Variants in RANBP2 observed in about 807,000 individuals in gnomAD.
RANBP2 encodes RAN binding protein 2.
Under a neutral mutation model 303.6 loss-of-function variants are expected in RANBP2, and 57 were observed. That is an observed-to-expected ratio of 0.19 (90% CI 0.15 to 0.23). The LOEUF is 0.23. Among genes scored for constraint, RANBP2 ranks in the 10% least tolerant of loss-of-function variants. The pLI is 1.00. For synonymous variants in RANBP2, 1,167 were observed against 1,301.5 expected (o/e 0.90, Z 2.23); for missense variants, 3,138 against 3,780.8 (o/e 0.83, Z 4.46).
chr2:109,691,776 G>T, the RANBP2 span, among the ~76,000 whole-genome samples: 1 of 67,228 alleles, frequency 1.5e-5, no homozygotes, highest in Non-Finnish European at 2.9e-5. Flanking sequence ...GAAAGTTCAT[G>T]ATCAGTTTTT....
chr2:108,747,987 T>C (rs826558), intron 8 of RANBP2, among the ~76,000 whole-genome samples: 30,609 of 150,548 alleles, frequency 0.2, 3,411 homozygotes, highest in African/African-American at 0.3. Flanking sequence ...CCTTGGCAAC[T>C]GCTAATCTGT....
chr2:109,560,312 C>A, the RANBP2 span, among the ~76,000 whole-genome samples: 274 of 152,262 alleles, frequency 1.8e-3, 1 homozygote, highest in South Asian at 0.022. Flanking sequence ...GCAGCATAAA[C>A]CTGGACCTCA....
At chr2:109,697,558 T>G in the RANBP2 span, among the ~76,000 whole-genome samples, 2 of 152,028 alleles carry the variant, frequency 1.3e-5, no homozygotes, top group Non-Finnish European at 2.9e-5. Flanking sequence ...TATATAGAAC[T>G]ACAATAGATT....
At chr2:109,398,270 T>C in the RANBP2 span, among the ~76,000 whole-genome samples, 1 of 152,154 alleles carries the variant, frequency 6.6e-6, no homozygotes, top group Admixed American at 6.6e-5. Flanking sequence ...CCTCACTGTC[T>C]GCAAGGCGGC....
At chr2:109,610,303 T>C in the RANBP2 span, among the ~76,000 whole-genome samples, 1 of 152,140 alleles carries the variant, frequency 6.6e-6, no homozygotes, top group African/African-American at 2.4e-5. Context: ...TTGGCCAGGA[T>C]GGTCTCAATC....
chr2:108,908,142 C>T, the RANBP2 span: 1 of 1,146,916 alleles, frequency 8.7e-7, no homozygotes, highest in Non-Finnish European at 1.2e-6. Flanking sequence ...ACTTGTTTTT[C>T]AGGTGTTTAC....
At chr2:109,496,286 C>T in the RANBP2 span, among the ~76,000 whole-genome samples, 7 of 151,726 alleles carry the variant, frequency 4.6e-5, no homozygotes, top group African/African-American at 7.3e-5. Context: ...AGCTACAGAG[C>T]GCTGATTGGT....
At chr2:108,891,243 T>G in the RANBP2 span, among the ~76,000 whole-genome samples, 9 of 152,250 alleles carry the variant, frequency 5.9e-5, no homozygotes, top group African/African-American at 1.9e-4. Context: ...TAATTTTTCA[T>G]GTTTCATTTG....
At chr2:108,789,425 TC>T (rs1679530862), downstream of RANBP2, among the ~76,000 whole-genome samples, 1 of 152,250 alleles carries the variant, frequency 6.6e-6, no homozygotes, top group South Asian at 2.1e-4. Context: ...AAATCCCGTT[TC>T]TACTAAAAAA....
chr2:109,465,734 G>A, the RANBP2 span, among the ~76,000 whole-genome samples: 690 of 152,226 alleles, frequency 4.5e-3, 9 homozygotes, highest in Non-Finnish European at 3.5e-3. Flanking sequence ...CAATCATGGC[G>A]GAAGACAAAG....
chr2:109,296,929 T>C, the RANBP2 span, among the ~76,000 whole-genome samples: 1 of 152,104 alleles, frequency 6.6e-6, no homozygotes, highest in Non-Finnish European at 1.5e-5. Context: ...GGCTGCAGTG[T>C]GGATTAACTA....
chr2:109,715,937 G>T, the RANBP2 span, among the ~76,000 whole-genome samples: 1 of 152,174 alleles, frequency 6.6e-6, no homozygotes, highest in East Asian at 1.9e-4. Context: ...ACATTGTCCT[G>T]GAGTTTCTAA....
chr2:109,613,902 G>C, the RANBP2 span: 1 of 1,224,374 alleles, frequency 8.2e-7, no homozygotes, highest in Non-Finnish European at 1.0e-6. Context: ...ACGGCGGCGG[G>C]AAGGCCGGAG....
At chr2:109,104,201 G>A in the RANBP2 span, among the ~76,000 whole-genome samples, 2 of 152,122 alleles carry the variant, frequency 1.3e-5, no homozygotes, top group Admixed American at 6.5e-5. Flanking sequence ...ATTTCCTTCA[G>A]GGCCTGCTAT....
chr2:109,039,161 C>T, the RANBP2 span, among the ~76,000 whole-genome samples: 2 of 152,206 alleles, frequency 1.3e-5, no homozygotes, highest in African/African-American at 2.4e-5. Flanking sequence ...GGAATTCAGC[C>T]TCTAGACAGA....
rs1219564706 is a variant in RANBP2, at chr2:108,766,836, T to C, written c.6297T>C (p.Ser2099=). The change falls in exon 20 of 29, where the codon TCT becomes TCC. Residue 2099 remains serine, a synonymous_variant. Transcript: ENST00000283195. ...ITTTMNLKPL[S]GSDRAWMWLA... Reference sequence around the variant, plus strand: ...CTACGATGAACCTGAAGCCTCTCTCTGGATCAGATAGAGCATGGATGTGGT... The same window carrying C: ...CTACGATGAACCTGAAGCCTCTCTCCGGATCAGATAGAGCATGGATGTGGT... 2 of 1,611,912 alleles carry C rather than the reference T, an allele frequency of 1.2e-6. No homozygotes were observed. The highest frequency in any genetic ancestry group is 1.7e-6 in the Non-Finnish European group (2 of 1,179,868).
At chr2:109,286,110 C>T in the RANBP2 span, among the ~76,000 whole-genome samples, 2 of 152,186 alleles carry the variant, frequency 1.3e-5, no homozygotes, top group Non-Finnish European at 2.9e-5. Context: ...TAGGAAGGTG[C>T]TTGGACCCTG....
the RANBP2 span, among the ~76,000 whole-genome samples, chr2:108,900,739 A>G: frequency 6.6e-6 from 1 of 152,250 alleles, no homozygotes; most frequent in East Asian, 1.9e-4. Context: ...GCAAACTTCA[A>G]TAACAAGAAG....
the RANBP2 span, among the ~76,000 whole-genome samples, chr2:109,179,212 T>C: frequency 6.6e-6 from 1 of 152,116 alleles, no homozygotes; most frequent in African/African-American, 2.4e-5. Context: ...TAATCAAAAT[T>C]AGGTTCTACT....
Sources: allele counts gnomAD v4.1 joint callset (sites outside exome capture counted in the v4.1 genomes callset), GRCh38; gene constraint gnomAD v4.1.1; transcripts MANE v1.5; gene names NCBI Gene and HGNC (gene_info 2026-07-23, HGNC 2026-07-21).